NOTUM: variants seen among roughly 807,000 people sequenced by gnomAD.
NOTUM encodes the protein palmitoleoyl-protein carboxylesterase NOTUM.
A neutral mutation model predicts 65.5 loss-of-function variants in NOTUM; 36 were observed. The ratio of observed to expected loss-of-function variants is 0.55; its 90% CI spans 0.42 to 0.73. The LOEUF (loss-of-function observed/expected upper bound fraction) is 0.73. Among genes scored for constraint, NOTUM ranks in the 30% least tolerant of loss-of-function variants. NOTUM has a pLI of 0.00. For missense variants in NOTUM, 659 were observed against 694.2 expected (o/e 0.95, Z 0.57); for synonymous variants, 356 against 297.9 (o/e 1.20, Z -2.01).
Position 81,959,650 on chromosome 17 carries a change from G to A in NOTUM, c.366C>T (p.Leu122=), listed in dbSNP as rs1178256310. 3 of 1,544,256 alleles carry A rather than the reference G, an allele frequency of 1.9e-6. No homozygotes were observed. The highest frequency in any genetic ancestry group is 2.5e-5 in the East Asian group (1 of 40,584). The part of the protein sequence containing the change: ...KESRGSRRWL[L]FLEGGWYCFN... Reference sequence around the variant, plus strand: ...CAGCCCTGGACGCACCTTCCAGGAAGAGGAGCCACCGCCGGCTGCCCCTGG... The same window carrying A: ...CAGCCCTGGACGCACCTTCCAGGAAAAGGAGCCACCGCCGGCTGCCCCTGG... The change falls in exon 2 of 11, where the codon CTC becomes CTT. Residue 122 remains leucine, a synonymous_variant. Transcript: ENST00000409678.
At chr17:81,956,559 C>A in intron 8 of NOTUM, 91 bp downstream of exon 8, 1 of 902,038 alleles carries the variant, frequency 1.1e-6, no homozygotes, top group East Asian at 2.6e-5. Context: ...CAAGCCCAGC[C>A]CAGAAGACTG....
In NOTUM at chr17:81,960,644, A is replaced by C; in HGVS notation, c.266T>G (p.Leu89Arg). 1 of 1,567,172 alleles carries C rather than the reference A, an allele frequency of 6.4e-7. No homozygotes were observed. Among genetic ancestry groups the C allele is most frequent in the Non-Finnish European group, 8.7e-7 (1 of 1,153,870 alleles). Residue 89 changes from leucine to arginine, a missense_variant, in exon 1 of 11, where the codon CTG becomes CGG. Leu to Arg is a moderately radical substitution (Grantham distance 102, BLOSUM62 -2). Coordinates refer to ENST00000409678, the MANE Select transcript of NOTUM (RefSeq NM_178493.6). This position sits in a 1 kb window ranked among gnomAD's most constrained non-coding sequence, Gnocchi z 6.4. ...GGTGTTGAGTAGGAGGTGCAGGCGC[A>C]GGTCCTCGTTGAGCTGCTGCGCGGA... is the stretch of plus-strand genomic sequence containing the variant. ...PCSAQQLNED[L>R]RLHLLLNTSV... is the part of the protein sequence containing the mutation.
Position 81,959,620 on chromosome 17 carries a change from C to T in NOTUM, c.376+20G>A. 2.6e-6 allele frequency: 4 copies of T among 1,545,782 alleles called. No homozygotes were observed. The highest frequency in any genetic ancestry group is 3.5e-6 in the Non-Finnish European group (4 of 1,145,004). On this transcript the variant is annotated intron_variant, in intron 2 of 10. Coordinates refer to ENST00000409678, the MANE Select transcript of NOTUM (RefSeq NM_178493.6). ...CGCGCACAGACCCCCGGCCTCCCCC[C>T]GCCTCAGCCCTGGACGCACCTTCCA...
chr17:81,959,015 G>T lies in NOTUM; in HGVS notation c.473-20C>A. 6.2e-7 allele frequency: 1 copy of T among 1,610,414 alleles called. No individual in the cohort carries two copies. Among genetic ancestry groups the T allele is most frequent in the Non-Finnish European group, 8.5e-7 (1 of 1,177,522 alleles). ...CTGTGCCTGGGGACACAGAGGCGGT[G>T]GGTCTTTCTAGCGGGAGGAGGCTGT... On this transcript the variant is annotated intron_variant, in intron 3 of 10. Transcript: ENST00000409678.
At chr17:81,953,902 C>T (rs1158273728) in intron 10 of NOTUM, among the ~76,000 whole-genome samples, 6 of 152,056 alleles carry the variant, frequency 3.9e-5, no homozygotes, top group Admixed American at 2.6e-4. Context: ...CTGCCTCAGC[C>T]TCCGGAGTAG....
chr17:81,955,925 C>T (rs1425686810), intron 8 of NOTUM, among the ~76,000 whole-genome samples: 4 of 147,754 alleles, frequency 2.7e-5, no homozygotes, highest in Admixed American at 6.7e-5. Flanking sequence ...CTGCTGCCCC[C>T]GACCCCAGGC....
Position 81,958,881 on chromosome 17 carries a change from G to C in NOTUM, c.533+54C>G, listed in dbSNP as rs182252714. 216 of 1,402,366 alleles carry C rather than the reference G, an allele frequency of 1.5e-4. 1 individual carries two copies. The highest frequency in any genetic ancestry group is 2.1e-4 in the Non-Finnish European group (206 of 988,848). 86.9% of individuals were successfully genotyped at this position (1,402,366 alleles called of 1,614,324 possible). On this transcript the variant is annotated intron_variant, in intron 4 of 10. Transcript: ENST00000409678. The stretch of plus-strand genomic sequence containing the variant: ...ATGACTTCCCAAGGAAGGACCCCCC[G>C]GGAAGAACCACCCTCCAGGCAGGAC...
At chr17:81,955,368 C>A in intron 9 of NOTUM, 29 bp downstream of exon 9, 2 of 1,530,938 alleles carry the variant, frequency 1.3e-6, no homozygotes, top group Non-Finnish European at 1.8e-6. Flanking sequence ...AGCTACCCGG[C>A]GTGGGGCTCC....
Position 81,957,807 on chromosome 17 carries a change from TG to T in NOTUM, c.693del (p.Ser231ArgfsTer10), listed in dbSNP as rs770173924. 6.3e-7 allele frequency: 1 copy of T among 1,592,420 alleles called. No homozygotes were observed. The highest frequency in any genetic ancestry group is 1.1e-5 in the South Asian group (1 of 88,576). On this transcript the variant is annotated frameshift_variant and splice_region_variant, in exon 6 of 11. Coordinates refer to ENST00000409678, the MANE Select transcript of NOTUM (RefSeq NM_178493.6). LOFTEE classifies it high-confidence loss of function. ...CCAGCCCTGCCCCGCCCTGCCCACC[TG>T]CTCCCGGCCAGCAGCAGCACCTTGG... ...SGAKVLLLAG[S>X]SAGGTGVLLN...
chr17:81,953,410 C>G, intron 10 of NOTUM, 143 bp from the exon 11 acceptor site: 1 of 614,938 alleles, frequency 1.6e-6, no homozygotes, highest in Non-Finnish European at 2.9e-6. Flanking sequence ...ATTCTCCTGC[C>G]TCAGCCTCCC....
At chr17:81,956,328 TA>T (rs2041432732) in intron 8 of NOTUM, among the ~76,000 whole-genome samples, 1 of 152,130 alleles carries the variant, frequency 6.6e-6, no homozygotes. Context: ...CAAAGCACAC[TA>T]GCCACCGGTA....
intron 1 of NOTUM, 118 bp from the exon 2 acceptor site, chr17:81,959,810 C>T (rs2041460512): frequency 2.2e-6 from 1 of 447,242 alleles, no homozygotes; most frequent in East Asian, 4.7e-5. Context: ...GACGGTCGCA[C>T]GGGGGCGCCC....
At position 81,953,834 on chromosome 17, in the gene NOTUM, T is replaced by G. The variant is rs1024915292; in HGVS notation, c.1184+422A>C. On this transcript the variant is annotated intron_variant, in intron 10 of 10. Coordinates refer to ENST00000409678, the MANE Select transcript of NOTUM (RefSeq NM_178493.6). ...CACTCTTGTTGCCCCCAGGATGGAG[T>G]GCAATGTTGCAATCTCGACTCACCA... 4.7e-5 allele frequency among the ~76,000 whole-genome samples: 7 copies of G among 148,066 alleles called. No homozygotes were observed. In the East Asian group the frequency reaches 1.4e-3, roughly 30 times the overall value.
intron 5 of NOTUM, 84 bp from the exon 6 acceptor site, chr17:81,957,992 C>T: frequency 3.0e-6 from 3 of 984,750 alleles, no homozygotes; most frequent in Non-Finnish European, 3.1e-6. Flanking sequence ...CAGAGAAGTT[C>T]TTGCCCCACT....
At position 81,955,448 on chromosome 17, in the gene NOTUM, A is replaced by T. The variant is rs1041189606; in HGVS notation, c.1085T>A (p.Leu362Gln). Residue 362 changes from leucine to glutamine, a missense_variant, in exon 9 of 11, where the codon CTG becomes CAG. Transcript: ENST00000409678. Reference protein sequence around the residue: ...TGQPVQEGLRLYIQNLGRELR... With the variant: ...TGQPVQEGLRQYIQNLGRELR... The stretch of plus-strand genomic sequence containing the variant: ...CTCGCGGCCGAGGTTCTGGATGTAC[A>T]GCCGCAGGCCCTCCTGCACCGGCTG... The T allele has an allele frequency of 6.2e-7, 1 of 1,602,736 alleles. No homozygotes were observed. The highest frequency in any genetic ancestry group is 8.5e-7 in the Non-Finnish European group (1 of 1,175,630).
chr17:81,957,973 A>G (rs1302500457), intron 5 of NOTUM, 65 bp from the exon 6 acceptor site: 4 of 1,210,300 alleles, frequency 3.3e-6, no homozygotes, highest in Non-Finnish European at 3.6e-6. Flanking sequence ...CCTACCCCAG[A>G]ATGGCTGGCA....
Position 81,959,468 on chromosome 17 carries a change from G to T in NOTUM, c.472+3C>A, listed in dbSNP as rs367620932. 4.5e-6 allele frequency: 7 copies of T among 1,545,078 alleles called. No individual in the cohort carries two copies. In the Admixed American group the frequency reaches 5.9e-5, roughly 13 times the overall value. ...GACGCCTTCCCCAGGGCCCGCCGCT[G>T]ACCTGTGCGAGTGCGCGGCCAGTCC... On this transcript the variant is annotated splice_donor_region_variant and intron_variant, in intron 3 of 10. Coordinates refer to ENST00000409678, the MANE Select transcript of NOTUM (RefSeq NM_178493.6).
chr17:81,959,965 G>GGCGGCGGTCCTCCCGGGGCGC (rs2041461883), intron 1 of NOTUM, among the ~76,000 whole-genome samples: 1 of 151,820 alleles, frequency 6.6e-6, no homozygotes, highest in African/African-American at 2.4e-5. Context: ...CCTCGGCGCG[G>GGCGGCGGTCCTCCCGGGGCGC]GCGGCGGTCC....
chr17:81,957,292 A>G (rs146163182), intron 6 of NOTUM, among the ~76,000 whole-genome samples: 23 of 152,310 alleles, frequency 1.5e-4, no homozygotes, highest in African/African-American at 5.1e-4. Flanking sequence ...TCCCTGACAC[A>G]GCCAGGCTCT....
Sources: gnomAD v4.1 joint callset for allele counts (sites outside exome capture counted in the v4.1 genomes callset) on GRCh38, gnomAD v4.1.1 for gene constraint, Gnocchi (gnomAD v3.1) non-coding constraint, MANE v1.5 for transcripts, NCBI Gene and HGNC (gene_info 2026-07-23, HGNC 2026-07-21) for gene names.